AHI1: variants seen among roughly 807,000 people sequenced by gnomAD.
AHI1 encodes Abelson helper integration site 1.
Under a neutral mutation model 149.3 loss-of-function variants are expected in AHI1, and 123 were observed. The ratio of observed to expected loss-of-function variants is 0.82; its 90% CI spans 0.71 to 0.96. The LOEUF (loss-of-function observed/expected upper bound fraction) is 0.96. AHI1 is among the 40% of genes least tolerant of loss of function. The pLI is 0.00. For missense variants in AHI1, 1,439 were observed against 1,422.7 expected, an observed-to-expected ratio of 1.01 and a Z score of -0.18; for synonymous variants, 475 against 459.8, an observed-to-expected ratio of 1.03 and a Z score of -0.42.
chr6:135,411,439 TG>T lies in AHI1; in HGVS notation c.2869del (p.His957IlefsTer22). On this transcript the variant is annotated frameshift_variant, in exon 21 of 29. Transcript: ENST00000265602. LOFTEE classifies it high-confidence loss of function. ...TTCATCAATCTGAAAAGAGCCTTGA[TG>T]GGGTAGTTTTGGACAGGTACATAGG... The part of the protein sequence containing the change: ...DALCTCPKLP[H>X]QGSFQIDEFV... The T allele has an allele frequency of 1.2e-6, 2 of 1,613,806 alleles. No homozygotes were observed. Among genetic ancestry groups the T allele is most frequent in the Non-Finnish European group, 1.7e-6 (2 of 1,179,742 alleles).
At chr6:135,487,230 T>C (rs1442553568) in intron 5 of AHI1, among the ~76,000 whole-genome samples, 1 of 152,180 alleles carries the variant, frequency 6.6e-6, no homozygotes, top group Non-Finnish European at 1.5e-5. Flanking sequence ...ACTTAGAAAG[T>C]GTAATAATCT....
At chr6:135,302,023 G>T in intron 26 of AHI1, 1 of 978,252 alleles carries the variant, frequency 1.0e-6, no homozygotes, top group Non-Finnish European at 1.2e-6. Context: ...ATTGGGTCAT[G>T]CTTTGTTGCT....
At chr6:135,404,468 T>A (rs531623752) in intron 22 of AHI1, among the ~76,000 whole-genome samples, 1 of 152,266 alleles carries the variant, frequency 6.6e-6, no homozygotes, top group East Asian at 1.9e-4. Flanking sequence ...ATCTAATCCA[T>A]CTCTCAGGAT....
At position 135,457,706 on chromosome 6, in the gene AHI1, A is replaced by T. The variant is rs1235114926; in HGVS notation, c.939T>A (p.Asp313Glu). 1 of 1,613,738 alleles carries T rather than the reference A, an allele frequency of 6.2e-7. No individual in the cohort carries two copies. Residue 313 changes from aspartate to glutamate, a missense_variant, in exon 9 of 29, where the codon GAT becomes GAA. Asp to Glu is a conservative substitution (Grantham distance 45, BLOSUM62 2). Coordinates refer to ENST00000265602, the MANE Select transcript of AHI1 (RefSeq NM_001134831.2). ...CATCACCATCAACATCTTCATTATT[A>T]TCTGCAACTACACGCATGGAAAAAA... is the stretch of plus-strand genomic sequence containing the variant. ...KTKKKTKAVADNNEDVDGDGV... is the reference protein window; with the variant it reads ...KTKKKTKAVAENNEDVDGDGV...
intron 22 of AHI1, among the ~76,000 whole-genome samples, chr6:135,404,059 A>G (rs1314732934): frequency 6.6e-6 from 1 of 152,026 alleles, no homozygotes; most frequent in East Asian, 1.9e-4. Flanking sequence ...CTGACATTAT[A>G]TGAAGCAGTC....
intron 20 of AHI1, among the ~76,000 whole-genome samples, chr6:135,422,670 T>G (rs1018042302): frequency 6.6e-6 from 1 of 151,880 alleles, no homozygotes; most frequent in Middle Eastern, 3.4e-3. Flanking sequence ...CATGTATGTA[T>G]GTAGAGATGA....
At chr6:135,323,611 TA>T (rs1287925190) in intron 24 of AHI1, among the ~76,000 whole-genome samples, 3 of 151,900 alleles carry the variant, frequency 2.0e-5, no homozygotes, top group East Asian at 1.9e-4. Flanking sequence ...GTGAAGCAAA[TA>T]AAAAAAAGCT....
At chr6:135,434,567 ATAAT>A (rs1293058842) in intron 15 of AHI1, among the ~76,000 whole-genome samples, 4 of 152,086 alleles carry the variant, frequency 2.6e-5, no homozygotes, top group Admixed American at 6.5e-5. Flanking sequence ...ACAGCTCAAT[ATAAT>A]TAAAACAGAC....
intron 5 of AHI1, among the ~76,000 whole-genome samples, chr6:135,485,664 T>C (rs1349523522): frequency 6.6e-6 from 1 of 152,244 alleles, no homozygotes; most frequent in Non-Finnish European, 1.5e-5. Context: ...AATTTTTGTA[T>C]TTTTCTCCAA....
intron 5 of AHI1, among the ~76,000 whole-genome samples, chr6:135,480,268 G>A (rs116203081): frequency 0.012 from 1,866 of 152,178 alleles, 48 homozygotes; most frequent in African/African-American, 0.043. Context: ...ACCAGCCTGG[G>A]CAATACAGTG....
intron 7 of AHI1, among the ~76,000 whole-genome samples, 163 bp downstream of exon 7, chr6:135,465,651 C>T (rs1790623089): frequency 6.6e-6 from 1 of 152,120 alleles, no homozygotes; most frequent in African/African-American, 2.4e-5. Flanking sequence ...GCACCTAGTA[C>T]ATAGTAAGGT....
In AHI1 at chr6:135,425,106, C is replaced by T. The variant is rs984036295; in HGVS notation, c.2764+2061G>A. Among the ~76,000 whole-genome samples, 6 of 151,882 alleles carry T rather than the reference C, an allele frequency of 4.0e-5. No individual in the cohort carries two copies. The South Asian group carries it at 1.0e-3, about 26-fold the overall frequency. ...AGCTTCCTCTTTTTAAAAATAGCAA[C>T]GAGTTGGGAAAATGTGTTGAAACAT... On this transcript the variant is annotated intron_variant, in intron 20 of 28. Transcript: ENST00000265602.
chr6:135,480,024 G>A (rs1349522322), intron 5 of AHI1, among the ~76,000 whole-genome samples: 1 of 152,130 alleles, frequency 6.6e-6, no homozygotes, highest in Non-Finnish European at 1.5e-5. Context: ...CCCCAGCCAT[G>A]CCCCTCCAAT....
intron 21 of AHI1, among the ~76,000 whole-genome samples, chr6:135,409,516 C>T (rs977310552): frequency 2.6e-5 from 4 of 152,116 alleles, no homozygotes; most frequent in African/African-American, 7.2e-5. Flanking sequence ...TCAGTTAACT[C>T]ATAGTTAACA....
intron 7 of AHI1, among the ~76,000 whole-genome samples, chr6:135,464,403 AG>A (rs1790410769): frequency 1.3e-5 from 2 of 152,164 alleles, no homozygotes; most frequent in African/African-American, 2.4e-5. Context: ...AGCTATGAGA[AG>A]GAAGATTTAT....
intron 26 of AHI1, chr6:135,301,535 AC>A: frequency 1.0e-6 from 1 of 985,430 alleles, no homozygotes; most frequent in East Asian, 1.1e-4. Flanking sequence ...AAGATTTGGC[AC>A]TATCTTTAAA....
At chr6:135,391,537 T>C (rs1272924399) in intron 23 of AHI1, among the ~76,000 whole-genome samples, 2 of 152,112 alleles carry the variant, frequency 1.3e-5, no homozygotes, top group African/African-American at 4.8e-5. Context: ...CCTAGGCGTG[T>C]GGGTCGGGGG....
chr6:135,333,184 GTAAT>G (rs1323937191), intron 24 of AHI1, among the ~76,000 whole-genome samples: 1 of 152,086 alleles, frequency 6.6e-6, no homozygotes, highest in Non-Finnish European at 1.5e-5. Context: ...TAATATTTTA[GTAAT>G]TATTTAAAAA....
intron 7 of AHI1, among the ~76,000 whole-genome samples, chr6:135,465,204 T>C (rs1790547857): frequency 6.6e-6 from 1 of 152,178 alleles, no homozygotes; most frequent in Non-Finnish European, 1.5e-5. Context: ...AAGTTAATTA[T>C]AGCAGTTAAA....
Sources: gnomAD v4.1 joint callset for allele counts (sites outside exome capture counted in the v4.1 genomes callset) on GRCh38, gnomAD v4.1.1 for gene constraint, MANE v1.5 for transcripts, NCBI Gene and HGNC (gene_info 2026-07-23, HGNC 2026-07-21) for gene names.